The following DNM1 variants were observed in gnomAD, a reference collection of about 807,000 sequenced individuals.
The protein encoded by DNM1 is dynamin 1, also known as dynamin-1.
A neutral mutation model predicts 104.6 loss-of-function variants in DNM1; 29 were observed. That is an observed-to-expected ratio of 0.28 (90% CI 0.21 to 0.38). The LOEUF is 0.38. Ranked by LOEUF, DNM1 falls within the 10% of genes least tolerant of loss-of-function variation. The pLI, the probability that DNM1 is intolerant of heterozygous loss-of-function variation, is 1.00. For synonymous variants in DNM1, 445 were observed against 475.8 expected (o/e 0.94, Z 0.84); for missense variants, 640 against 1,189.4 (o/e 0.54, Z 6.79).
chr9:128,250,674 C>T, intron 20 of DNM1, 51 bp from the exon 21 acceptor site: 1 of 1,376,048 alleles, frequency 7.3e-7, no homozygotes, highest in Non-Finnish European at 9.5e-7. Flanking sequence ...TCTGGGTGGG[C>T]GGAGCTGCTC....
At chr9:128,231,991 G>A (rs1310207529) in intron 10 of DNM1, 7 of 456,470 alleles carry the variant, frequency 1.5e-5, no homozygotes, top group Admixed American at 4.7e-5. Flanking sequence ...AAAAGCTGGC[G>A]GAACATCCTG....
In DNM1 at chr9:128,250,796, G is replaced by T. The variant is rs1486970211; in HGVS notation, c.2390G>T (p.Gly797Val). The change falls in exon 21 of 22, where the codon GGC becomes GTC. Residue 797 changes from glycine (G) to valine (V), a missense_variant. By Grantham distance (109) the Gly-to-Val change is moderately radical (BLOSUM62 -3). Transcript: ENST00000372923. The part of the protein sequence containing the change: ...AVPPARPGSR[G>V]PAPGPPPAGS... ...CCCCCAGCCCGGCCCGGGTCGCGGG[G>T]CCCTGCTCCTGGGCCTCCGCCTGCT... is the stretch of plus-strand genomic sequence containing the variant. 7.4e-7 allele frequency: 1 copy of T among 1,358,218 alleles called. No homozygotes were observed. The highest frequency in any genetic ancestry group is 9.4e-7 in the Non-Finnish European group (1 of 1,065,816). The allele number at this position is 1,358,218 out of a possible 1,614,324, so 84.1% of individuals were successfully genotyped here.
rs1829729565 is a variant in DNM1 at position 128,254,536 on chromosome 9, C to CCGGCCCTCCCACCACTG, written c.2535-116_2535-100dup. The CCGGCCCTCCCACCACTG allele has an allele frequency of 6.4e-7, 1 of 1,552,976 alleles. No homozygotes were observed. The highest frequency in any genetic ancestry group is 8.6e-7 in the Non-Finnish European group (1 of 1,157,334). On this transcript the variant is annotated intron_variant, in intron 21 of 21. Coordinates refer to ENST00000372923, the MANE Select transcript of DNM1 (RefSeq NM_004408.4). This position sits in a 1 kb window ranked among gnomAD's most constrained non-coding sequence, Gnocchi z 6.1. Reference sequence around the variant, plus strand: ...CACCCACACCTGCAGCCTCCCCTCCCCGGCCCTCCCACCACTGCTGCGGCG... The same window carrying CCGGCCCTCCCACCACTG: ...CACCCACACCTGCAGCCTCCCCTCCCCGGCCCTCCCACCACTGCGGCCCTCCCACCACTGCTGCGGCG...
chr9:128,205,942 GT>G (rs1194274436), intron 1 of DNM1, among the ~76,000 whole-genome samples: 7 of 152,184 alleles, frequency 4.6e-5, no homozygotes, highest in Non-Finnish European at 8.8e-5. Flanking sequence ...ACAGGAGGAT[GT>G]GCAGGGTGTC....
At chr9:128,234,593 C>CA (rs1217279464) in intron 11 of DNM1, among the ~76,000 whole-genome samples, 5 of 152,280 alleles carry the variant, frequency 3.3e-5, no homozygotes, top group Middle Eastern at 3.4e-3. Flanking sequence ...AGGCTGGTCT[C>CA]AAACTCCTGA....
chr9:128,237,941 A>C (rs542425584), intron 11 of DNM1, among the ~76,000 whole-genome samples: 1 of 151,790 alleles, frequency 6.6e-6, no homozygotes, highest in Non-Finnish European at 1.5e-5. Flanking sequence ...CACCTGGCTA[A>C]TTTTTCTATT....
chr9:128,254,721 C>A lies in DNM1; in HGVS notation c.*7C>A, dbSNP rs1463042044. 1.9e-6 allele frequency: 3 copies of A among 1,595,592 alleles called. No individual in the cohort carries two copies. Among genetic ancestry groups the A allele is most frequent in the Non-Finnish European group, 2.5e-6 (3 of 1,179,134 alleles). On this transcript the variant is annotated 3_prime_UTR_variant, in exon 22 of 22. Coordinates refer to ENST00000372923, the MANE Select transcript of DNM1 (RefSeq NM_004408.4). This position sits in a 1 kb window ranked among gnomAD's most constrained non-coding sequence, Gnocchi z 6.1. ...GCCCCCCTTCGACCTCTAAACAGAT[C>A]CCTCCTCTTCTCGGAGACCTCCCTT...
intron 10 of DNM1, chr9:128,226,013 C>T (rs1324666053): frequency 6.2e-7 from 1 of 1,611,720 alleles, no homozygotes; most frequent in Non-Finnish European, 8.5e-7. Flanking sequence ...TCCTCCTGTC[C>T]CCACCTCCTC....
intron 11 of DNM1, among the ~76,000 whole-genome samples, chr9:128,237,082 G>C (rs1406184603): frequency 6.6e-6 from 1 of 152,172 alleles, no homozygotes; most frequent in Non-Finnish European, 1.5e-5. Flanking sequence ...CGCTACATTT[G>C]TGGACTTTGA....
chr9:128,217,572 C>G (rs936829671), intron 1 of DNM1, among the ~76,000 whole-genome samples: 1 of 152,164 alleles, frequency 6.6e-6, no homozygotes, highest in African/African-American at 2.4e-5. Flanking sequence ...GCCTGACACC[C>G]CGCCGGCTAA....
At position 128,253,195 on chromosome 9, in the gene DNM1, C is replaced by T; in HGVS notation, c.2535-1459C>T. 1.9e-6 allele frequency: 3 copies of T among 1,549,736 alleles called. No individual in the cohort carries two copies. Among genetic ancestry groups the T allele is most frequent in the Non-Finnish European group, 1.8e-6 (2 of 1,136,672 alleles). On this transcript the variant is annotated intron_variant, in intron 21 of 21. Transcript: ENST00000372923. This position sits in a 1 kb window ranked among gnomAD's most constrained non-coding sequence, Gnocchi z 5.9. ...CGGTGTGTCTGCCCCGCTGCACTAG[C>T]TCCACACGGGGCGCGCACCTGGGAC...
chr9:128,243,515 G>C lies in DNM1; in HGVS notation c.1671+1170G>C, dbSNP rs554793040. ...TCCACCTTGGGAGGGGCCCTCTGTCGTCACTGGCGGGGGCGCCAAGCCATC... is the reference window on the plus strand; with the variant it reads ...TCCACCTTGGGAGGGGCCCTCTGTCCTCACTGGCGGGGGCGCCAAGCCATC... On this transcript the variant is annotated intron_variant, in intron 15 of 21. Coordinates refer to ENST00000372923, the MANE Select transcript of DNM1 (RefSeq NM_004408.4). This position sits in a 1 kb window ranked among gnomAD's most constrained non-coding sequence, Gnocchi z 4.0. Among the ~76,000 whole-genome samples the C allele has an allele frequency of 6.6e-6, 1 of 152,208 alleles. No individual in the cohort carries two copies. The highest frequency in any genetic ancestry group is 2.4e-5 in the African/African-American group (1 of 41,464).
rs549246967 is a variant in DNM1, at chr9:128,250,961, G to T, written c.2534+21G>T. On this transcript the variant is annotated intron_variant, in intron 21 of 21. Coordinates refer to ENST00000372923, the MANE Select transcript of DNM1 (RefSeq NM_004408.4). Reference sequence around the variant, plus strand: ...CCCAGGTGAGTAGGGGCTGAATGCGGCTGGAGAGGCTGCCGGACGGGCGTG... The same window carrying T: ...CCCAGGTGAGTAGGGGCTGAATGCGTCTGGAGAGGCTGCCGGACGGGCGTG... The T allele has an allele frequency of 2.3e-6, 3 of 1,322,306 alleles. No individual in the cohort carries two copies. The African/African-American group carries it at 4.4e-5, about 20-fold the overall frequency. 81.9% of individuals were successfully genotyped at this position (1,322,306 alleles called of 1,614,324 possible). A position where few individuals can be genotyped will look rare whatever the true frequency, so the allele number is the denominator to read the frequency against.
rs1564357202 is a variant in DNM1, at chr9:128,253,098, C to A, written c.2535-1556C>A. The A allele has an allele frequency of 1.2e-6, 2 of 1,610,802 alleles. No homozygotes were observed. On this transcript the variant is annotated intron_variant, in intron 21 of 21. Coordinates refer to ENST00000372923, the MANE Select transcript of DNM1 (RefSeq NM_004408.4). The surrounding 1 kb of genome is among the most constrained non-coding windows in gnomAD (Gnocchi z 5.9). ...GCCATGTTGATTTCGTGCTGTCTTT[C>A]AGAATCACTATCAGTGACCCCTGAG... is the stretch of plus-strand genomic sequence containing the variant.
In DNM1 at chr9:128,220,742, C is replaced by CGCGTGTGTGTGTGTGTGTGTGT. The variant is rs61020870; in HGVS notation, c.849+402_849+403insCGTGTGTGTGTGTGTGTGTGTG. Among the ~76,000 whole-genome samples the CGCGTGTGTGTGTGTGTGTGTGT allele has an allele frequency of 2.2e-5, 3 of 136,276 alleles. No homozygotes were observed. The highest frequency in any genetic ancestry group is 8.0e-5 in the African/African-American group (3 of 37,718). 89.4% of individuals were successfully genotyped at this position (136,276 alleles called of 152,430 possible). On this transcript the variant is annotated intron_variant, in intron 6 of 21. Transcript: ENST00000372923. The surrounding 1 kb of genome is among the most constrained non-coding windows in gnomAD (Gnocchi z 5.2). Reference sequence around the variant, plus strand: ...CAGAACTGAAGTGCGCGCGCGCGCGCGTGTGTGTGTGTGTGTGTGTGTGTG... The same window carrying CGCGTGTGTGTGTGTGTGTGTGT: ...CAGAACTGAAGTGCGCGCGCGCGCGCGCGTGTGTGTGTGTGTGTGTGTGTGTGTGTGTGTGTGTGTGTGTGTG...
At chr9:128,250,636 G>C (rs1376005457) in intron 20 of DNM1, 89 bp from the exon 21 acceptor site, 1 of 1,181,568 alleles carries the variant, frequency 8.5e-7, no homozygotes, top group East Asian at 3.0e-5. Flanking sequence ...GTGCATGGGC[G>C]TGGCCAGCAC....
chr9:128,228,492 C>G (rs1178141035), intron 10 of DNM1, among the ~76,000 whole-genome samples: 1 of 152,164 alleles, frequency 6.6e-6, no homozygotes, highest in Non-Finnish European at 1.5e-5. Flanking sequence ...TCTTGATGGA[C>G]ATTTGGGTTG....
intron 11 of DNM1, among the ~76,000 whole-genome samples, chr9:128,235,749 G>A (rs540600641): frequency 6.6e-5 from 10 of 152,184 alleles, no homozygotes; most frequent in East Asian, 5.8e-4. Flanking sequence ...CTGCTCTGTC[G>A]CCCCTGCTAG....
At chr9:128,251,272 T>G (rs1275366689) in intron 21 of DNM1, 2 of 500,684 alleles carry the variant, frequency 4.0e-6, no homozygotes, top group Non-Finnish European at 7.7e-6. Flanking sequence ...CCTCCTTTCT[T>G]CTTCTTGCTG....
Sources: allele counts gnomAD v4.1 joint callset (sites outside exome capture counted in the v4.1 genomes callset), GRCh38; gene constraint gnomAD v4.1.1; non-coding constraint Gnocchi (gnomAD v3.1); transcripts MANE v1.5; gene names NCBI Gene and HGNC (gene_info 2026-07-23, HGNC 2026-07-21).